RCAN2: variants seen among roughly 807,000 people sequenced by gnomAD.
RCAN2 encodes regulator of calcineurin 2, also known as calcipressin-2.
Under a neutral mutation model 23.6 loss-of-function variants are expected in RCAN2, and 9 were observed. That is an observed-to-expected ratio of 0.38 (90% CI 0.23 to 0.67). RCAN2 has a LOEUF of 0.67. Ranked by LOEUF, RCAN2 falls within the 30% of genes least tolerant of loss-of-function variation. The probability of loss-of-function intolerance (pLI) is 0.51; values close to 1 mark genes in which losing one functional copy is unlikely to be tolerated. For synonymous variants in RCAN2, 109 were observed against 115.7 expected (o/e 0.94, Z 0.37); for missense variants, 273 against 302.3 (o/e 0.90, Z 0.72).
chr6:46,430,249 T>C (rs1008693097), intron 2 of RCAN2, among the ~76,000 whole-genome samples: 32 of 152,142 alleles, frequency 2.1e-4, no homozygotes, highest in Admixed American at 3.3e-4. Flanking sequence ...AGCTGTCAAA[T>C]AGGAGAGATA....
At chr6:46,328,415 C>G (rs1441094052) in intron 2 of RCAN2, among the ~76,000 whole-genome samples, 1 of 152,158 alleles carries the variant, frequency 6.6e-6, no homozygotes, top group Non-Finnish European at 1.5e-5. Context: ...GGGCAGAGTT[C>G]TAGGCATCAA....
intron 2 of RCAN2, among the ~76,000 whole-genome samples, chr6:46,380,144 T>A (rs1404048456): frequency 6.6e-6 from 1 of 152,096 alleles, no homozygotes; most frequent in African/African-American, 2.4e-5. Context: ...GATCTCAGGG[T>A]TTTTCAGATT....
intron 2 of RCAN2, among the ~76,000 whole-genome samples, chr6:46,386,080 G>A (rs1765736869): frequency 6.6e-6 from 1 of 152,008 alleles, no homozygotes; most frequent in African/African-American, 2.4e-5. Flanking sequence ...CAGTCGAGCA[G>A]GCAACCTAGA....
intron 2 of RCAN2, among the ~76,000 whole-genome samples, chr6:46,259,707 A>G (rs1767047170): frequency 6.6e-6 from 1 of 152,132 alleles, no homozygotes; most frequent in Admixed American, 6.5e-5. Flanking sequence ...GTACTCCAAG[A>G]CTGCCCCACT....
At chr6:46,240,087 C>G (rs549676627) in intron 4 of RCAN2, among the ~76,000 whole-genome samples, 17 of 152,248 alleles carry the variant, frequency 1.1e-4, no homozygotes, top group African/African-American at 3.9e-4. Context: ...GGGGGAGCTG[C>G]CTGGGAGAGC....
chr6:46,348,153 TTAAA>T (rs1212300277), intron 2 of RCAN2, among the ~76,000 whole-genome samples: 2 of 152,182 alleles, frequency 1.3e-5, no homozygotes, highest in Admixed American at 1.3e-4. Flanking sequence ...GTTAAGGAAA[TTAAA>T]TAACCATTTT....
At chr6:46,341,621 A>AC (rs1764319653) in intron 2 of RCAN2, among the ~76,000 whole-genome samples, 1 of 151,880 alleles carries the variant, frequency 6.6e-6, no homozygotes, top group South Asian at 2.1e-4. Context: ...ACATGGTGAG[A>AC]CCCCCATCTC....
intron 2 of RCAN2, among the ~76,000 whole-genome samples, chr6:46,282,171 T>G (rs969696820): frequency 6.6e-6 from 1 of 152,196 alleles, no homozygotes; most frequent in African/African-American, 2.4e-5. Flanking sequence ...TAAGCATATA[T>G]TATCCAAAAC....
At chr6:46,337,516 T>G (rs575099157) in intron 2 of RCAN2, among the ~76,000 whole-genome samples, 1 of 152,358 alleles carries the variant, frequency 6.6e-6, no homozygotes, top group African/African-American at 2.4e-5. Context: ...GCAAAAAGAC[T>G]TCTAGAAAAG....
intron 4 of RCAN2, among the ~76,000 whole-genome samples, chr6:46,242,452 G>A (rs1043057402): frequency 9.9e-5 from 15 of 152,104 alleles, no homozygotes; most frequent in African/African-American, 2.7e-4. Context: ...GCTCCATAAC[G>A]TTCTTTCTTT....
chr6:46,376,489 G>T (rs1018718148), intron 2 of RCAN2, among the ~76,000 whole-genome samples: 1 of 152,186 alleles, frequency 6.6e-6, no homozygotes, highest in African/African-American at 2.4e-5. Context: ...AGACCAGCCT[G>T]GTCAATATGG....
chr6:46,389,740 T>A (rs145793640), intron 2 of RCAN2, among the ~76,000 whole-genome samples: 154 of 152,322 alleles, frequency 1.0e-3, no homozygotes, highest in African/African-American at 3.5e-3. Context: ...TATAGCCCGC[T>A]TGAGGCTGCT....
At chr6:46,361,767 T>C (rs1242058669) in intron 2 of RCAN2, among the ~76,000 whole-genome samples, 1 of 152,244 alleles carries the variant, frequency 6.6e-6, no homozygotes, top group Non-Finnish European at 1.5e-5. Context: ...TTTGCTATTA[T>C]GGAGTCACTG....
intron 1 of RCAN2, among the ~76,000 whole-genome samples, chr6:46,469,586 T>C (rs570291502): frequency 6.6e-6 from 1 of 152,268 alleles, no homozygotes; most frequent in Admixed American, 6.5e-5. Flanking sequence ...TGAGAACTGG[T>C]AACTTAACTG....
At position 46,441,332 on chromosome 6, in the gene RCAN2, A is replaced by G. The variant is rs531166116; in HGVS notation, c.225+15420T>C. 3.9e-5 allele frequency among the ~76,000 whole-genome samples: 6 copies of G among 152,318 alleles called. No homozygotes were observed. The East Asian group carries it at 5.8e-4, about 15-fold the overall frequency. On this transcript the variant is annotated intron_variant, in intron 2 of 4. Transcript: ENST00000371374. ...TTGTCAAGGCAGGATTTGGACCCCA[A>G]TGCTTCTGAATCCAACACCCACATC...
At chr6:46,468,646 G>C (rs944050298) in intron 1 of RCAN2, among the ~76,000 whole-genome samples, 1 of 152,186 alleles carries the variant, frequency 6.6e-6, no homozygotes, top group Non-Finnish European at 1.5e-5. Flanking sequence ...GAGCATACTT[G>C]CTTCTTCCTA....
chr6:46,229,725 T>C (rs548869193), intron 4 of RCAN2, among the ~76,000 whole-genome samples: 1 of 152,356 alleles, frequency 6.6e-6, no homozygotes, highest in East Asian at 1.9e-4. Flanking sequence ...CTTCCTCCTT[T>C]AGCTTGGAGA....
intron 2 of RCAN2, among the ~76,000 whole-genome samples, chr6:46,288,774 C>G (rs1762450010): frequency 6.6e-6 from 1 of 152,246 alleles, no homozygotes; most frequent in South Asian, 2.1e-4. Flanking sequence ...TATCCCAGTT[C>G]TAATGACATA....
At chr6:46,436,563 GGCA>G (rs1767372427) in intron 2 of RCAN2, among the ~76,000 whole-genome samples, 1 of 152,218 alleles carries the variant, frequency 6.6e-6, no homozygotes, top group African/African-American at 2.4e-5. Context: ...CAGACTGATG[GGCA>G]GAAACTATTA....
Sources: gnomAD v4.1 joint callset for allele counts (sites outside exome capture counted in the v4.1 genomes callset) on GRCh38, gnomAD v4.1.1 for gene constraint, MANE v1.5 for transcripts, NCBI Gene and HGNC (gene_info 2026-07-23, HGNC 2026-07-21) for gene names.